The following ZNF710 variants were observed in gnomAD, a reference collection of about 807,000 sequenced individuals.
The protein encoded by ZNF710 is zinc finger protein 710.
A neutral mutation model predicts 50.6 loss-of-function variants in ZNF710; 13 were observed. The ratio of observed to expected loss-of-function variants is 0.26; its 90% confidence interval spans 0.17 to 0.41. ZNF710 has a LOEUF of 0.41. Among genes scored for constraint, ZNF710 ranks in the 10% least tolerant of loss-of-function variants. The pLI is 1.00. For synonymous variants in ZNF710, 383 were observed against 397.0 expected, an observed-to-expected ratio of 0.96 and a Z score of 0.42; for missense variants, 721 against 936.6, an observed-to-expected ratio of 0.77 and a Z score of 3.01.
chr15:90,006,657 T>A (rs1005170007), intron 1 of ZNF710: 1 of 153,232 alleles, frequency 6.5e-6, no homozygotes, highest in Non-Finnish European at 1.5e-5. Flanking sequence ...AATAGCCACC[T>A]GCAGTGTGGA....
chr15:90,003,784 G>A (rs887665914), intron 1 of ZNF710, among the ~76,000 whole-genome samples: 2 of 152,134 alleles, frequency 1.3e-5, no homozygotes, highest in African/African-American at 4.8e-5. Flanking sequence ...CTGGGTACCT[G>A]CCAGTCTCGG....
chr15:90,024,489 A>G (rs1204425827), intron 1 of ZNF710, among the ~76,000 whole-genome samples: 1 of 152,182 alleles, frequency 6.6e-6, no homozygotes, highest in Non-Finnish European at 1.5e-5. Context: ...GGTGGCAGAG[A>G]AAGAGAGGAG....
Position 90,074,051 on chromosome 15 carries a change from G to A in ZNF710, c.1651-65G>A. 2.6e-6 allele frequency: 4 copies of A among 1,535,404 alleles called. No homozygotes were observed. In the South Asian group the frequency reaches 3.7e-5, roughly 14 times the overall value. ...TTCTGGCCCAGCCATAGAGGTGGGA[G>A]TGGGCTGGGGTCCGGGGAAAGCAGG... On this transcript the variant is annotated intron_variant, in intron 3 of 4. Coordinates refer to ENST00000268154, the MANE Select transcript of ZNF710 (RefSeq NM_198526.4).
chr15:90,055,483 G>A (rs1181236802), intron 1 of ZNF710, among the ~76,000 whole-genome samples: 1 of 152,228 alleles, frequency 6.6e-6, no homozygotes, highest in Non-Finnish European at 1.5e-5. Context: ...GAGGCCCTTG[G>A]TGAGATGTTT....
At chr15:90,010,555 A>G (rs1188319112) in intron 1 of ZNF710, among the ~76,000 whole-genome samples, 1 of 152,064 alleles carries the variant, frequency 6.6e-6, no homozygotes. Context: ...TCAGCCTCCC[A>G]TAGCGCTGGG....
Position 90,068,031 on chromosome 15 carries a change from C to T in ZNF710, c.894C>T (p.Arg298=). Residue 298 remains arginine, a synonymous_variant, in exon 2 of 5, where the codon CGC becomes CGT. Coordinates refer to ENST00000268154, the MANE Select transcript of ZNF710 (RefSeq NM_198526.4). This position sits in a 1 kb window ranked among gnomAD's most constrained non-coding sequence, Gnocchi z 5.0. ...AGDRQKRWQC[R]MCEKSYTSKY... Reference sequence around the variant, plus strand: ...ACCGCCAGAAGCGCTGGCAGTGCCGCATGTGCGAGAAGTCCTACACGTCCA... The same window carrying T: ...ACCGCCAGAAGCGCTGGCAGTGCCGTATGTGCGAGAAGTCCTACACGTCCA... 6.2e-7 allele frequency: 1 copy of T among 1,614,246 alleles called. No individual in the cohort carries two copies. Among genetic ancestry groups the T allele is most frequent in the African/African-American group, 1.3e-5 (1 of 75,082 alleles).
At chr15:89,999,201 C>G (rs1331391175), upstream of ZNF710, among the ~76,000 whole-genome samples, 3 of 152,238 alleles carry the variant, frequency 2.0e-5, no homozygotes, top group African/African-American at 7.2e-5. Context: ...TCCAAGCACC[C>G]TCTTAGGAGC....
At position 90,042,549 on chromosome 15, in the gene ZNF710, C is replaced by T. The variant is rs536348318; in HGVS notation, c.-28-24561C>T. 1.2e-4 allele frequency among the ~76,000 whole-genome samples: 18 copies of T among 152,300 alleles called. No individual in the cohort carries two copies. In the South Asian group the frequency reaches 2.1e-3, roughly 18 times the overall value. ...TCCTCCACTCAGCCTCTCTGCTCCC[C>T]GGCGTTTCTCATTATCTAGCGTTTG... On this transcript the variant is annotated intron_variant, in intron 1 of 4. Coordinates refer to ENST00000268154, the MANE Select transcript of ZNF710 (RefSeq NM_198526.4).
Position 90,056,303 on chromosome 15 carries a change from A to C in ZNF710, c.-28-10807A>C, listed in dbSNP as rs573260893. Among the ~76,000 whole-genome samples, 10 of 152,132 alleles carry C rather than the reference A, an allele frequency of 6.6e-5. No homozygotes were observed. In the East Asian group the frequency reaches 1.9e-3, roughly 29 times the overall value. ...GTGGCGCATGCCTGTAATCCCAGCT[A>C]CTCAGGAGGCTGAGGCAGGAGAATC... On this transcript the variant is annotated intron_variant, in intron 1 of 4. Coordinates refer to ENST00000268154, the MANE Select transcript of ZNF710 (RefSeq NM_198526.4).
intron 1 of ZNF710, among the ~76,000 whole-genome samples, chr15:90,050,390 T>C (rs1172253433): frequency 6.6e-6 from 1 of 152,208 alleles, no homozygotes; most frequent in East Asian, 1.9e-4. Context: ...CCTGCGCTTC[T>C]GTCCGCTTTC....
chr15:90,054,503 C>T (rs1899749189), intron 1 of ZNF710, among the ~76,000 whole-genome samples: 1 of 152,138 alleles, frequency 6.6e-6, no homozygotes, highest in African/African-American at 2.4e-5. Context: ...TGGGCCCACC[C>T]AGCTGGGGCC....
At position 90,079,728 on chromosome 15, in the gene ZNF710, G is replaced by A. The variant is rs750676660; in HGVS notation, c.1894G>A (p.Glu632Lys). 11 of 1,613,970 alleles carry A rather than the reference G, an allele frequency of 6.8e-6. No individual in the cohort carries two copies. Among genetic ancestry groups the A allele is most frequent in the African/African-American group, 1.3e-5 (1 of 75,046 alleles). The change falls in exon 5 of 5, where the codon GAG becomes AAG. Residue 632 changes from glutamate to lysine, a missense_variant. Transcript: ENST00000268154. ...LDGQQEMEDF[E>K]ENAYSYASVD... is the part of the protein sequence containing the mutation. ...CGGCCAGCAGGAGATGGAGGACTTC[G>A]AGGAGAACGCCTACAGCTATGCGAG... is the stretch of plus-strand genomic sequence containing the variant.
At chr15:90,057,009 A>C (rs1899840441) in intron 1 of ZNF710, among the ~76,000 whole-genome samples, 1 of 152,014 alleles carries the variant, frequency 6.6e-6, no homozygotes, top group African/African-American at 2.4e-5. Flanking sequence ...GGCTCTCCTC[A>C]GACACCCACC....
At chr15:90,060,143 G>A (rs1596048314) in intron 1 of ZNF710, among the ~76,000 whole-genome samples, 1 of 148,436 alleles carries the variant, frequency 6.7e-6, no homozygotes, top group East Asian at 2.0e-4. Context: ...CAGAGATCCG[G>A]GTGCTTCATG....
intron 1 of ZNF710, among the ~76,000 whole-genome samples, chr15:90,031,777 T>A (rs993460110): frequency 6.6e-6 from 1 of 152,182 alleles, no homozygotes; most frequent in African/African-American, 2.4e-5. Flanking sequence ...ATCCACTGGA[T>A]CTGGGTGGGT....
At chr15:90,066,435 A>G (rs1041039404) in intron 1 of ZNF710, among the ~76,000 whole-genome samples, 1 of 151,366 alleles carries the variant, frequency 6.6e-6, no homozygotes, top group Non-Finnish European at 1.5e-5. Flanking sequence ...TAAATAGTGG[A>G]ATCTTTATTT....
In ZNF710 at chr15:90,062,126, G is replaced by A. The variant is rs1900027215; in HGVS notation, c.-28-4984G>A. Among the ~76,000 whole-genome samples, 1 of 149,872 alleles carries A rather than the reference G, an allele frequency of 6.7e-6. No homozygotes were observed. Among genetic ancestry groups the A allele is most frequent in the Non-Finnish European group, 1.5e-5 (1 of 67,430 alleles). On this transcript the variant is annotated intron_variant, in intron 1 of 4. Transcript: ENST00000268154. This position sits in a 1 kb window ranked among gnomAD's most constrained non-coding sequence, Gnocchi z 5.6. Reference sequence around the variant, plus strand: ...CTCCCCCTCCCGCCTTTGTTTCTTGGCCTCCACAGCCTCATTCTCTCTCCC... The same window carrying A: ...CTCCCCCTCCCGCCTTTGTTTCTTGACCTCCACAGCCTCATTCTCTCTCCC...
Position 90,007,847 on chromosome 15 carries a change from C to T in ZNF710, c.-29+6233C>T, listed in dbSNP as rs539976096. Among the ~76,000 whole-genome samples, 340 of 151,968 alleles carry T rather than the reference C, an allele frequency of 2.2e-3. 1 individual carries two copies. Among genetic ancestry groups the T allele is most frequent in the Middle Eastern group, 0.017 (5 of 294 alleles). ...ACAAGTAAGCATCTCCCCAGTTGTT[C>T]ATGTAAAACATAGAAAGCATTTTCC... is the stretch of plus-strand genomic sequence containing the variant. On this transcript the variant is annotated intron_variant, in intron 1 of 4. Transcript: ENST00000268154.
chr15:90,008,467 C>CACATATATATAT (rs1898212642), intron 1 of ZNF710, among the ~76,000 whole-genome samples: 1 of 129,962 alleles, frequency 7.7e-6, no homozygotes, highest in African/African-American at 3.6e-5. Context: ...TATATATATA[C>CACATATATATAT]ATGAAGTAAA....
Sources: allele counts gnomAD v4.1 joint callset (sites outside exome capture counted in the v4.1 genomes callset), GRCh38; gene constraint gnomAD v4.1.1; non-coding constraint Gnocchi (gnomAD v3.1); transcripts MANE v1.5; gene names NCBI Gene and HGNC (gene_info 2026-07-23, HGNC 2026-07-21).